The following C1orf21 variants were observed in gnomAD, a reference collection of about 807,000 sequenced individuals.
The protein encoded by C1orf21 is chromosome 1 open reading frame 21.
Under a neutral mutation model 18.7 loss-of-function variants are expected in C1orf21, and 3 were observed. The observed-to-expected ratio is 0.16, with a 90% confidence interval of 0.07 to 0.42. The LOEUF (loss-of-function observed/expected upper bound fraction) is 0.42. C1orf21 is among the 10% of genes least tolerant of loss of function. The pLI is 0.99. For synonymous variants in C1orf21, 41 were observed against 46.4 expected (o/e 0.88, Z 0.47); for missense variants, 104 against 143.6 (o/e 0.72, Z 1.41).
intron 3 of C1orf21, chr1:184,566,995 G>T: frequency 1.9e-6 from 1 of 526,674 alleles, no homozygotes; most frequent in South Asian, 1.4e-5. Flanking sequence ...GCAATCCAAA[G>T]ACTGTGGAAT....
chr1:184,440,911 A>G (rs1176254300), intron 1 of C1orf21, among the ~76,000 whole-genome samples: 1 of 152,176 alleles, frequency 6.6e-6, no homozygotes, highest in Non-Finnish European at 1.5e-5. Flanking sequence ...TTCCTTTTGA[A>G]TGTTGACACC....
At chr1:184,419,668 A>G (rs568956445) in intron 1 of C1orf21, among the ~76,000 whole-genome samples, 11 of 152,158 alleles carry the variant, frequency 7.2e-5, no homozygotes, top group Non-Finnish European at 1.5e-4. Context: ...CAGAGCTTAA[A>G]GGACATAAAA....
chr1:184,614,612 C>T (rs998707229), intron 5 of C1orf21, among the ~76,000 whole-genome samples: 2 of 152,140 alleles, frequency 1.3e-5, no homozygotes, highest in Non-Finnish European at 2.9e-5. Flanking sequence ...CAGGATGATT[C>T]AAGCACATTA....
intron 1 of C1orf21, among the ~76,000 whole-genome samples, chr1:184,465,271 TA>T (rs1657373169): frequency 6.6e-6 from 1 of 152,180 alleles, no homozygotes; most frequent in African/African-American, 2.4e-5. Flanking sequence ...TTATTAGAAG[TA>T]AAATTTTTTA....
chr1:184,478,853 AC>A (rs1332123086), intron 2 of C1orf21, among the ~76,000 whole-genome samples: 1 of 152,244 alleles, frequency 6.6e-6, no homozygotes, highest in Non-Finnish European at 1.5e-5. Context: ...TTAGTAAGGG[AC>A]ATCATAGAGA....
At chr1:184,592,971 G>T (rs752707004) in intron 4 of C1orf21, among the ~76,000 whole-genome samples, 1 of 152,096 alleles carries the variant, frequency 6.6e-6, no homozygotes, top group Non-Finnish European at 1.5e-5. Flanking sequence ...TGCTATGGCC[G>T]CAACCTCCCT....
At chr1:184,421,562 C>T (rs1010629549) in intron 1 of C1orf21, among the ~76,000 whole-genome samples, 42 of 152,292 alleles carry the variant, frequency 2.8e-4, no homozygotes, top group Non-Finnish European at 6.0e-4. Flanking sequence ...TTTCTTCCCA[C>T]GTTTTTCCAC....
intron 1 of C1orf21, among the ~76,000 whole-genome samples, chr1:184,454,281 A>G (rs1387594881): frequency 1.3e-5 from 2 of 152,234 alleles, no homozygotes; most frequent in African/African-American, 4.8e-5. Flanking sequence ...TTATCAAGGT[A>G]TATGTAAATA....
intron 3 of C1orf21, among the ~76,000 whole-genome samples, chr1:184,526,303 A>G (rs1658375592): frequency 1.3e-5 from 2 of 152,228 alleles, no homozygotes; most frequent in African/African-American, 4.8e-5. Context: ...AAACTGAACA[A>G]TAGAATCAGA....
chr1:184,548,295 T>C (rs928645651), intron 3 of C1orf21, among the ~76,000 whole-genome samples: 6 of 151,746 alleles, frequency 4.0e-5, no homozygotes, highest in East Asian at 3.9e-4. Context: ...GAGCATGGGC[T>C]GGTTAAATTG....
chr1:184,606,444 G>T (rs184321753), intron 5 of C1orf21, among the ~76,000 whole-genome samples: 1 of 152,266 alleles, frequency 6.6e-6, no homozygotes, highest in Admixed American at 6.5e-5. Context: ...GCCAGGTATG[G>T]TGGCATTCAC....
chr1:184,518,944 G>A (rs541517700), intron 3 of C1orf21, among the ~76,000 whole-genome samples: 176 of 152,124 alleles, frequency 1.2e-3, no homozygotes, highest in Middle Eastern at 6.8e-3. Context: ...GTGTCACCCC[G>A]GCATGGAGAC....
chr1:184,471,963 C>T (rs374062231), intron 1 of C1orf21, among the ~76,000 whole-genome samples: 22 of 152,096 alleles, frequency 1.4e-4, no homozygotes, highest in African/African-American at 4.8e-4. Flanking sequence ...TTATTTTTAA[C>T]GTTCACAATG....
chr1:184,464,327 G>T (rs1026885446), intron 1 of C1orf21, among the ~76,000 whole-genome samples: 3 of 152,206 alleles, frequency 2.0e-5, no homozygotes, highest in Admixed American at 1.3e-4. Context: ...CCTGCACTAT[G>T]ATGAGGGCTA....
intron 5 of C1orf21, among the ~76,000 whole-genome samples, chr1:184,608,582 G>A (rs1659684388): frequency 6.6e-6 from 1 of 152,172 alleles, no homozygotes; most frequent in Admixed American, 6.5e-5. Flanking sequence ...AGCCAAATGT[G>A]TGACAACCCT....
chr1:184,588,359 G>A (rs1230753557), intron 3 of C1orf21, among the ~76,000 whole-genome samples: 1 of 152,170 alleles, frequency 6.6e-6, no homozygotes, highest in Non-Finnish European at 1.5e-5. Flanking sequence ...GATTGATGGT[G>A]ATTTTAACAA....
intron 1 of C1orf21, among the ~76,000 whole-genome samples, chr1:184,472,268 C>T (rs1395584632): frequency 6.6e-6 from 1 of 151,972 alleles, no homozygotes; most frequent in Non-Finnish European, 1.5e-5. Context: ...GCACTTTGCT[C>T]CTGATCTATT....
chr1:184,509,083 G>GAGCT (rs1468963333), intron 3 of C1orf21, among the ~76,000 whole-genome samples: 7 of 152,282 alleles, frequency 4.6e-5, no homozygotes, highest in Admixed American at 3.9e-4. Flanking sequence ...AGAGGCTAGA[G>GAGCT]AGCTACTTGT....
At chr1:184,455,226 T>C (rs1013793601) in intron 1 of C1orf21, among the ~76,000 whole-genome samples, 3 of 152,204 alleles carry the variant, frequency 2.0e-5, no homozygotes, top group African/African-American at 7.2e-5. Context: ...CTGAGTCTCT[T>C]AAAAGTCAGA....
Sources: gnomAD v4.1 joint callset for allele counts (sites outside exome capture counted in the v4.1 genomes callset) on GRCh38, gnomAD v4.1.1 for gene constraint, MANE v1.5 for transcripts, NCBI Gene and HGNC (gene_info 2026-07-23, HGNC 2026-07-21) for gene names.